TTC17: variants seen among roughly 807,000 people sequenced by gnomAD.
The protein encoded by TTC17 is tetratricopeptide repeat protein 17.
In TTC17, 58 loss-of-function variants were observed where a neutral mutation model predicts 143.8. The observed-to-expected ratio is 0.40, with a 90% CI of 0.33 to 0.50. TTC17 has a LOEUF of 0.50. TTC17 is among the 20% of genes least tolerant of loss of function. The pLI, the probability that TTC17 is intolerant of heterozygous loss-of-function variation, is 0.49. For missense variants in TTC17, 1,273 were observed against 1,392.5 expected (o/e 0.91, Z 1.37); for synonymous variants, 501 against 497.8 (o/e 1.01, Z -0.09).
In TTC17 at chr11:43,401,398, C is replaced by T. The variant is rs200483340; in HGVS notation, c.1220-48C>T. On this transcript the variant is annotated intron_variant, in intron 9 of 23. Transcript: ENST00000039989. The stretch of plus-strand genomic sequence containing the variant: ...ACTTAGTCTAAGAAAATCACATTGG[C>T]ATTGTTGACCTTGCTCATCATTTGT... 1.0e-5 allele frequency: 13 copies of T among 1,301,936 alleles called. No individual in the cohort carries two copies. In the East Asian group the frequency reaches 1.7e-4, roughly 17 times the overall value. 80.6% of individuals were successfully genotyped at this position (1,301,936 alleles called of 1,614,324 possible). A position where few individuals can be genotyped will look rare whatever the true frequency, so the allele number is the denominator to read the frequency against.
chr11:43,465,398 T>A (rs997746635), intron 21 of TTC17, among the ~76,000 whole-genome samples: 2 of 152,178 alleles, frequency 1.3e-5, no homozygotes, highest in African/African-American at 4.8e-5. Context: ...TCACAGATGA[T>A]TCAGGCAGTG....
chr11:43,420,741 T>C (rs1946882637), intron 16 of TTC17, among the ~76,000 whole-genome samples: 1 of 152,136 alleles, frequency 6.6e-6, no homozygotes, highest in Non-Finnish European at 1.5e-5. Context: ...TATATATAAA[T>C]ATTTGTTGGT....
intron 2 of TTC17, among the ~76,000 whole-genome samples, chr11:43,386,756 A>T (rs1857184236): frequency 6.6e-6 from 1 of 151,988 alleles, no homozygotes; most frequent in Non-Finnish European, 1.5e-5. Flanking sequence ...ATTTCTATAG[A>T]TTAATTTCTT....
intron 10 of TTC17, among the ~76,000 whole-genome samples, chr11:43,402,028 TAAAG>T (rs1203582255): frequency 1.1e-4 from 15 of 133,074 alleles, no homozygotes; most frequent in African/African-American, 3.1e-4. Context: ...AATAAATAAA[TAAAG>T]AGCGAGAGAG....
At chr11:43,438,408 C>T (rs1372850452) in intron 16 of TTC17, among the ~76,000 whole-genome samples, 2 of 152,190 alleles carry the variant, frequency 1.3e-5, no homozygotes, top group African/African-American at 4.8e-5. Flanking sequence ...ATCCACCCAC[C>T]TTGGCCTCCC....
chr11:43,387,035 T>A (rs1209369238), intron 2 of TTC17, among the ~76,000 whole-genome samples: 1 of 152,120 alleles, frequency 6.6e-6, no homozygotes, highest in Non-Finnish European at 1.5e-5. Flanking sequence ...CCTCTAGGCT[T>A]GGACTCCCAA....
intron 21 of TTC17, among the ~76,000 whole-genome samples, chr11:43,456,785 G>C (rs1207475410): frequency 6.6e-6 from 1 of 152,160 alleles, no homozygotes; most frequent in Non-Finnish European, 1.5e-5. Context: ...TTTAGCAGTT[G>C]TTCCAGGTGG....
intron 1 of TTC17, chr11:43,359,314 GC>G: frequency 1.5e-6 from 1 of 667,360 alleles, no homozygotes; most frequent in Non-Finnish European, 2.3e-6. Context: ...TCCTCGTTTG[GC>G]CCCCTAGAAG....
intron 2 of TTC17, among the ~76,000 whole-genome samples, chr11:43,388,871 G>A (rs892192853): frequency 1.3e-5 from 2 of 151,894 alleles, no homozygotes; most frequent in African/African-American, 4.8e-5. Context: ...AGCTATTTAG[G>A]GGGCTGAGGC....
At chr11:43,387,091 C>G (rs933077690) in intron 2 of TTC17, among the ~76,000 whole-genome samples, 1 of 152,070 alleles carries the variant, frequency 6.6e-6, no homozygotes, top group Non-Finnish European at 1.5e-5. Context: ...TCCTACTAAT[C>G]AGTTTTTTAA....
At chr11:43,489,565 C>CT (rs2039744836) in intron 21 of TTC17, among the ~76,000 whole-genome samples, 1 of 152,042 alleles carries the variant, frequency 6.6e-6, no homozygotes, top group South Asian at 2.1e-4. Flanking sequence ...TGGTGAAACT[C>CT]TATCTCTACT....
chr11:43,374,490 T>A (rs1856688181), intron 1 of TTC17, among the ~76,000 whole-genome samples: 1 of 152,182 alleles, frequency 6.6e-6, no homozygotes, highest in South Asian at 2.1e-4. Context: ...ACCTATAGAA[T>A]GGGAGAAACT....
At chr11:43,461,387 T>A (rs1590460731) in intron 21 of TTC17, among the ~76,000 whole-genome samples, 1 of 76,104 alleles carries the variant, frequency 1.3e-5, no homozygotes, top group African/African-American at 5.0e-5. Context: ...CGAAACTCCG[T>A]CTCAAAAAAA....
At chr11:43,486,630 A>C (rs1263540629) in intron 21 of TTC17, among the ~76,000 whole-genome samples, 1 of 152,222 alleles carries the variant, frequency 6.6e-6, no homozygotes, top group Admixed American at 6.5e-5. Context: ...ACACGTAAGT[A>C]AATACAAGTT....
chr11:43,361,978 C>CTTT (rs35924919), intron 1 of TTC17, among the ~76,000 whole-genome samples: 7 of 134,994 alleles, frequency 5.2e-5, no homozygotes, highest in African/African-American at 1.2e-4. Context: ...ATCATTATAA[C>CTTT]TTTTTTTTTT....
Position 43,480,341 on chromosome 11 carries a change from G to A in TTC17, c.3031-9898G>A, listed in dbSNP as rs1226331898. On this transcript the variant is annotated intron_variant, in intron 21 of 23. Transcript: ENST00000039989. ...GACAGATCACCTACAAGGAATGATG[G>A]CTAAAATGACAACCTATTTAATAGC... is the stretch of plus-strand genomic sequence containing the variant. Among the ~76,000 whole-genome samples, 3 of 152,170 alleles carry A rather than the reference G, an allele frequency of 2.0e-5. No homozygotes were observed. The East Asian group carries it at 5.8e-4, about 29-fold the overall frequency.
chr11:43,423,372 G>A (rs1027713121), intron 16 of TTC17, among the ~76,000 whole-genome samples: 12 of 152,198 alleles, frequency 7.9e-5, no homozygotes. Context: ...TGTTCATTTG[G>A]AGATGCCTCT....
intron 21 of TTC17, among the ~76,000 whole-genome samples, chr11:43,458,226 T>C (rs1947800401): frequency 6.6e-6 from 1 of 152,132 alleles, no homozygotes; most frequent in Non-Finnish European, 1.5e-5. Flanking sequence ...TTGACTCTCA[T>C]GTTTGGTGCC....
intron 16 of TTC17, among the ~76,000 whole-genome samples, chr11:43,426,565 G>C (rs1947032762): frequency 6.6e-6 from 1 of 152,120 alleles, no homozygotes; most frequent in African/African-American, 2.4e-5. Flanking sequence ...TCATAACATT[G>C]TTTGATAGAG....
Sources: allele counts gnomAD v4.1 joint callset (sites outside exome capture counted in the v4.1 genomes callset), GRCh38; gene constraint gnomAD v4.1.1; transcripts MANE v1.5; gene names NCBI Gene and HGNC (gene_info 2026-07-23, HGNC 2026-07-21).